Variants in TPTE observed in about 807,000 individuals in gnomAD.
TPTE encodes the protein putative tyrosine-protein phosphatase TPTE.
Under a neutral mutation model 84.1 loss-of-function variants are expected in TPTE, and 59 were observed. That is an observed-to-expected ratio of 0.70 (90% CI 0.57 to 0.87). The LOEUF (loss-of-function observed/expected upper bound fraction) is 0.87, where lower values mean the gene tolerates loss of function less well. TPTE is among the 40% of genes least tolerant of loss of function. TPTE has a pLI of 0.00. For synonymous variants in TPTE, 130 were observed against 223.5 expected, an observed-to-expected ratio of 0.58 and a Z score of 3.73; for missense variants, 382 against 659.6, an observed-to-expected ratio of 0.58 and a Z score of 4.61.
chr21:10,574,749 C>T (rs2075117536), intron 14 of TPTE, among the ~76,000 whole-genome samples: 1 of 152,310 alleles, frequency 6.6e-6, no homozygotes, highest in South Asian at 2.1e-4. Context: ...TGCAGTCCTG[C>T]CCGGGAAACC....
At chr21:10,564,900 A>G (rs1293060508) in intron 10 of TPTE, among the ~76,000 whole-genome samples, 1 of 152,306 alleles carries the variant, frequency 6.6e-6, no homozygotes, top group Non-Finnish European at 1.5e-5. Context: ...TACCGTACTG[A>G]ATGGGGAAAA....
intron 10 of TPTE, among the ~76,000 whole-genome samples, chr21:10,561,944 G>A (rs1339318359): frequency 1.3e-5 from 2 of 152,308 alleles, no homozygotes; most frequent in Non-Finnish European, 2.9e-5. Flanking sequence ...CCCGTGCTGT[G>A]CTGGCCTCAG....
chr21:10,572,995 C>G (rs1204066523), intron 14 of TPTE, among the ~76,000 whole-genome samples: 2 of 152,158 alleles, frequency 1.3e-5, no homozygotes, highest in African/African-American at 4.8e-5. Flanking sequence ...TTAATAGTAA[C>G]CTTGAATGTA....
intron 8 of TPTE, among the ~76,000 whole-genome samples, chr21:10,554,963 C>T (rs1440712373): frequency 6.6e-6 from 1 of 152,312 alleles, no homozygotes; most frequent in Admixed American, 6.5e-5. Context: ...TCGTGCTTTG[C>T]ATCATGGCCA....
chr21:10,535,304 G>T (rs1389765995), intron 3 of TPTE, among the ~76,000 whole-genome samples: 1 of 152,294 alleles, frequency 6.6e-6, no homozygotes, highest in African/African-American at 2.4e-5. Flanking sequence ...ATACAAGTAA[G>T]TGTATATATA....
At chr21:10,529,705 T>A (rs1175210081) in intron 3 of TPTE, among the ~76,000 whole-genome samples, 2 of 152,306 alleles carry the variant, frequency 1.3e-5, no homozygotes, top group African/African-American at 4.8e-5. Flanking sequence ...TCTATTGTGG[T>A]TGAGAGGTAT....
Position 10,562,242 on chromosome 21 carries a change from C to T in TPTE, c.446+1051C>T, listed in dbSNP as rs1433314260. Among the ~76,000 whole-genome samples, 3 of 152,424 alleles carry T rather than the reference C, an allele frequency of 2.0e-5. No homozygotes were observed. In the East Asian group the frequency reaches 5.8e-4, roughly 29 times the overall value. ...ACAGTATCCAAGTTCTTTCAAATAT[C>T]TGGAAAGCCTTCCCAAGAAAGATGG... On this transcript the variant is annotated intron_variant, in intron 10 of 23. Transcript: ENST00000618007.
intron 23 of TPTE, among the ~76,000 whole-genome samples, chr21:10,604,774 T>C (rs1265313546): frequency 6.6e-6 from 1 of 152,302 alleles, no homozygotes; most frequent in African/African-American, 2.4e-5. Flanking sequence ...TATGTTCATT[T>C]TGGAGAAGTG....
chr21:10,598,964 G>A (rs2075640576), intron 21 of TPTE, among the ~76,000 whole-genome samples: 2 of 152,306 alleles, frequency 1.3e-5, no homozygotes, highest in Non-Finnish European at 2.9e-5. Context: ...CTTAAAGGAT[G>A]ACCCGTTCCC....
rs1456662205 is a variant in TPTE, at chr21:10,524,604, A to T, written c.-186A>T. 2.0e-5 allele frequency: 3 copies of T among 152,696 alleles called. No individual in the cohort carries two copies. The highest frequency in any genetic ancestry group is 7.2e-5 in the African/African-American group (3 of 41,616). The allele number at this position is 152,696 out of a possible 1,614,324, so 9.5% of individuals were successfully genotyped here. ...GAGAATGTTGGACCGACGACACAAG[A>T]CCTCAGACTTGTGTTATTCTAGCAG... is the stretch of plus-strand genomic sequence containing the variant. On this transcript the variant is annotated 5_prime_UTR_variant, in exon 2 of 24. Transcript: ENST00000618007.
At chr21:10,595,940 CT>C in intron 19 of TPTE, 41 bp from the exon 20 acceptor site, 3 of 1,587,722 alleles carry the variant, frequency 1.9e-6, no homozygotes, top group South Asian at 2.3e-5. Context: ...CGACTTTAGA[CT>C]TTTCATCTCC....
At chr21:10,566,198 A>G (rs210526) in intron 10 of TPTE, among the ~76,000 whole-genome samples, 15,349 of 146,932 alleles carry the variant, frequency 0.1, 6 homozygotes, top group African/African-American at 0.27. Context: ...AAATGATAAG[A>G]TTTGAATAGG....
chr21:10,570,434 T>A, intron 13 of TPTE, 51 bp from the exon 14 acceptor site: 1 of 1,612,876 alleles, frequency 6.2e-7, no homozygotes, highest in East Asian at 2.2e-5. Flanking sequence ...TTTTTGTATG[T>A]TGTATGAAAT....
intron 17 of TPTE, among the ~76,000 whole-genome samples, chr21:10,585,241 C>CAAAAAAAAAAAAAAAGAAA (rs2075342115): frequency 6.9e-6 from 1 of 144,204 alleles, no homozygotes; most frequent in Non-Finnish European, 1.5e-5. Context: ...AAAAATGAAA[C>CAAAAAAAAAAAAAAAGAAA]AAAAAAAAAA....
At chr21:10,557,519 A>G (rs1245371238) in intron 8 of TPTE, among the ~76,000 whole-genome samples, 1 of 152,312 alleles carries the variant, frequency 6.6e-6, no homozygotes, top group Admixed American at 6.5e-5. Context: ...ATACCCAGAG[A>G]TCTAGTAGAC....
At chr21:10,546,297 A>G (rs1355974197) in intron 7 of TPTE, among the ~76,000 whole-genome samples, 5 of 152,308 alleles carry the variant, frequency 3.3e-5, no homozygotes, top group African/African-American at 7.2e-5. Flanking sequence ...TAAGATGACA[A>G]GCCTAATCAA....
At chr21:10,536,714 G>A (rs1358241563) in intron 3 of TPTE, among the ~76,000 whole-genome samples, 1 of 152,308 alleles carries the variant, frequency 6.6e-6, no homozygotes, top group Non-Finnish European at 1.5e-5. Flanking sequence ...TATAGGCCCT[G>A]CAGGCCCCTT....
chr21:10,560,412 A>AG (rs2074774156), intron 9 of TPTE, among the ~76,000 whole-genome samples: 1 of 152,310 alleles, frequency 6.6e-6, no homozygotes, highest in Admixed American at 6.5e-5. Context: ...TTTATAGACT[A>AG]GGCAAATAGT....
intron 17 of TPTE, among the ~76,000 whole-genome samples, chr21:10,580,372 G>A (rs1274452471): frequency 1.3e-5 from 2 of 152,312 alleles, no homozygotes; most frequent in Non-Finnish European, 2.9e-5. Flanking sequence ...AGTATCATTT[G>A]TCTACTTTTT....
Sources: gnomAD v4.1 joint callset for allele counts (sites outside exome capture counted in the v4.1 genomes callset) on GRCh38, gnomAD v4.1.1 for gene constraint, MANE v1.5 for transcripts, NCBI Gene and HGNC (gene_info 2026-07-23, HGNC 2026-07-21) for gene names.